The following ATP9A variants were observed in gnomAD, a reference collection of about 807,000 sequenced individuals.
ATP9A encodes the protein ATPase phospholipid transporting 9A, also known as probable phospholipid-transporting ATPase IIA.
In ATP9A, 52 loss-of-function variants were observed where a neutral mutation model predicts 144.1. The ratio of observed to expected loss-of-function variants is 0.36; its 90% confidence interval spans 0.29 to 0.45. ATP9A has a LOEUF of 0.45. Among genes scored for constraint, ATP9A ranks in the 20% least tolerant of loss-of-function variants. The probability of loss-of-function intolerance (pLI) is 1.00; values close to 1 mark genes in which losing one functional copy is unlikely to be tolerated. For synonymous variants in ATP9A, 582 were observed against 557.4 expected (o/e 1.04, Z -0.62); for missense variants, 947 against 1,392.7 (o/e 0.68, Z 5.09).
At chr20:51,644,267 C>CTTTTTTTTTT (rs772071945) in intron 14 of ATP9A, among the ~76,000 whole-genome samples, 4 of 76,000 alleles carry the variant, frequency 5.3e-5, no homozygotes, top group African/African-American at 8.9e-5. Context: ...TTACTTCTAG[C>CTTTTTTTTTT]TTTTTTTTTT....
At chr20:51,748,528 T>A (rs528562135) in intron 1 of ATP9A, among the ~76,000 whole-genome samples, 2 of 152,318 alleles carry the variant, frequency 1.3e-5, no homozygotes, top group South Asian at 4.1e-4. Context: ...TTAAATATTA[T>A]ACAAAACTAA....
At position 51,723,965 on chromosome 20, in the gene ATP9A, G is replaced by A. The variant is rs572185212; in HGVS notation, c.327+1854C>T. Among the ~76,000 whole-genome samples, 38 of 152,126 alleles carry A rather than the reference G, an allele frequency of 2.5e-4. 1 individual carries two copies. In the East Asian group the frequency reaches 4.7e-3, roughly 19 times the overall value. ...GTGGGTGGATCGCCTGAGGTCAGTCGTTTGAGACCAGCCTGGCCAACAGAG... is the reference window on the plus strand; with the variant it reads ...GTGGGTGGATCGCCTGAGGTCAGTCATTTGAGACCAGCCTGGCCAACAGAG... On this transcript the variant is annotated intron_variant, in intron 3 of 27. Transcript: ENST00000338821.
chr20:51,665,679 G>A (rs1418418723), intron 13 of ATP9A, among the ~76,000 whole-genome samples: 2 of 150,038 alleles, frequency 1.3e-5, no homozygotes, highest in Non-Finnish European at 2.9e-5. Flanking sequence ...AGCCAAGATA[G>A]CACCACTACA....
rs77859603 is a variant in ATP9A at position 51,741,871 on chromosome 20, A to G, written c.69-11893T>C. On this transcript the variant is annotated intron_variant, in intron 1 of 27. Transcript: ENST00000338821. The stretch of plus-strand genomic sequence containing the variant: ...CTCATCTAGTGGATGGAGGCAGCCA[A>G]GGATGCTGCGAGACACCTTACAATG... 9.4e-3 allele frequency among the ~76,000 whole-genome samples: 1,430 copies of G among 152,318 alleles called. 18 individuals carry two copies. The highest frequency in any genetic ancestry group is 0.032 in the African/African-American group (1,344 of 41,570).
chr20:51,680,969 C>G (rs1233266024), intron 9 of ATP9A, among the ~76,000 whole-genome samples: 4 of 152,094 alleles, frequency 2.6e-5, no homozygotes, highest in Admixed American at 1.3e-4. Context: ...CCAAAATAAC[C>G]GAGCACACAG....
chr20:51,708,853 T>G (rs904571760), intron 4 of ATP9A, among the ~76,000 whole-genome samples: 39 of 152,078 alleles, frequency 2.6e-4, no homozygotes, highest in Non-Finnish European at 1.2e-4. Flanking sequence ...CTCTTCGAAA[T>G]GTCAAGATCA....
intron 2 of ATP9A, among the ~76,000 whole-genome samples, chr20:51,727,008 G>A (rs1424345710): frequency 7.1e-6 from 1 of 141,374 alleles, no homozygotes; most frequent in Non-Finnish European, 1.5e-5. Context: ...AAAAAGTTAT[G>A]TCCAGCCAGG....
chr20:51,713,116 G>A, intron 3 of ATP9A, 42 bp from the exon 4 acceptor site: 1 of 1,553,790 alleles, frequency 6.4e-7, no homozygotes, highest in Non-Finnish European at 8.7e-7. Context: ...CAGGCAGTGA[G>A]CCCTGCTGCA....
At chr20:51,617,683 C>T (rs1187821321) in intron 21 of ATP9A, 129 bp from the exon 22 acceptor site, 6 of 985,818 alleles carry the variant, frequency 6.1e-6, no homozygotes, top group Non-Finnish European at 9.3e-6. Context: ...CCCGTCCATT[C>T]CATCTCTCCA....
intron 9 of ATP9A, among the ~76,000 whole-genome samples, chr20:51,686,386 G>C (rs1022953765): frequency 6.8e-6 from 1 of 147,718 alleles, no homozygotes; most frequent in African/African-American, 2.5e-5. Flanking sequence ...AGAAAATGTA[G>C]GCAATAAAAA....
At chr20:51,612,054 T>G (rs926438653) in intron 23 of ATP9A, among the ~76,000 whole-genome samples, 30 of 152,356 alleles carry the variant, frequency 2.0e-4, no homozygotes, top group African/African-American at 7.2e-4. Flanking sequence ...TTACCTTATT[T>G]CACTTCTACT....
At chr20:51,676,262 G>T in intron 9 of ATP9A, 54 bp from the exon 10 acceptor site, 1 of 1,385,804 alleles carries the variant, frequency 7.2e-7, no homozygotes, top group Non-Finnish European at 9.9e-7. Context: ...ATACAGACAG[G>T]CAGGCTTGCA....
intron 14 of ATP9A, among the ~76,000 whole-genome samples, chr20:51,648,831 C>CA (rs897124718): frequency 1.3e-5 from 2 of 151,884 alleles, no homozygotes; most frequent in East Asian, 3.9e-4. Context: ...GATCCTACCT[C>CA]AAAAAAATAA....
intron 14 of ATP9A, among the ~76,000 whole-genome samples, chr20:51,649,573 C>A (rs1243306650): frequency 6.6e-6 from 1 of 152,146 alleles, no homozygotes; most frequent in East Asian, 1.9e-4. Context: ...TGGCCCTAGT[C>A]CCTCTTTACC....
chr20:51,763,413 C>CG (rs900376943), intron 1 of ATP9A, among the ~76,000 whole-genome samples: 3 of 151,196 alleles, frequency 2.0e-5, no homozygotes, highest in African/African-American at 7.3e-5. Flanking sequence ...CCTGGGTTCA[C>CG]GCCATTCTCC....
intron 14 of ATP9A, among the ~76,000 whole-genome samples, chr20:51,648,244 C>T (rs1051945202): frequency 6.6e-6 from 1 of 152,170 alleles, no homozygotes. Context: ...AACCAACCAA[C>T]CTCGTAGCCG....
intron 2 of ATP9A, among the ~76,000 whole-genome samples, chr20:51,727,311 C>A (rs1202334049): frequency 6.6e-6 from 1 of 151,262 alleles, no homozygotes; most frequent in South Asian, 2.1e-4. Flanking sequence ...CATGTCCAGA[C>A]GTGGTGGTAC....
At chr20:51,714,451 G>A (rs147000145) in intron 3 of ATP9A, among the ~76,000 whole-genome samples, 94 of 152,092 alleles carry the variant, frequency 6.2e-4, no homozygotes, top group African/African-American at 2.0e-3. Flanking sequence ...GCACCATCTC[G>A]GCTCACTGCA....
intron 2 of ATP9A, among the ~76,000 whole-genome samples, chr20:51,729,390 C>CA (rs1465021593): frequency 6.0e-5 from 8 of 133,750 alleles, no homozygotes; most frequent in Admixed American, 5.8e-4. Context: ...GGAAGATGAA[C>CA]AACCAGGGAC....
Sources: allele counts gnomAD v4.1 joint callset (sites outside exome capture counted in the v4.1 genomes callset), GRCh38; gene constraint gnomAD v4.1.1; transcripts MANE v1.5; gene names NCBI Gene and HGNC (gene_info 2026-07-23, HGNC 2026-07-21).